RNF216: variants seen among roughly 807,000 people sequenced by gnomAD.
The protein encoded by RNF216 is E3 ubiquitin-protein ligase RNF216.
RNF216 carries 72 observed loss-of-function variants against 110.8 expected under a neutral mutation model. The observed-to-expected ratio is 0.65, with a 90% confidence interval of 0.54 to 0.79. The LOEUF is 0.79. Ranked by LOEUF, RNF216 falls within the 30% of genes least tolerant of loss-of-function variation. RNF216 has a pLI of 0.00. For synonymous variants in RNF216, 495 were observed against 407.5 expected, an observed-to-expected ratio of 1.21 and a Z score of -2.59; for missense variants, 1,342 against 1,141.2, an observed-to-expected ratio of 1.18 and a Z score of -2.54.
intron 14 of RNF216, chr7:5,649,702 G>A (rs534312029): frequency 1.3e-5 from 2 of 152,030 alleles, no homozygotes; most frequent in East Asian, 1.9e-4. Context: ...ATGCAGAGGC[G>A]ATGATTCTTT....
intron 13 of RNF216, chr7:5,662,370 A>G (rs1789203269): frequency 1.3e-5 from 2 of 152,162 alleles, no homozygotes; most frequent in Non-Finnish European, 2.9e-5. Context: ...AGGCTCCATG[A>G]AAGTGTTCCA....
intron 13 of RNF216, among the ~76,000 whole-genome samples, chr7:5,675,714 C>CTT (rs754444984): frequency 3.5e-5 from 5 of 141,222 alleles, no homozygotes; most frequent in African/African-American, 1.3e-4. Context: ...TATTCAAATT[C>CTT]TTTTTTTTTT....
chr7:5,749,556 TTTCC>T (rs1395206764), intron 3 of RNF216, among the ~76,000 whole-genome samples: 2 of 152,214 alleles, frequency 1.3e-5, no homozygotes, highest in Non-Finnish European at 2.9e-5. Flanking sequence ...AATAACTAAA[TTTCC>T]TTGTCAACTG....
At chr7:5,781,460 C>CA (rs1205738094) in intron 1 of RNF216, 81 bp downstream of exon 1, 1 of 151,440 alleles carries the variant, frequency 6.6e-6, no homozygotes, top group Non-Finnish European at 1.5e-5. Flanking sequence ...CCCGGAGCTC[C>CA]ACAGAGGCGC....
chr7:5,750,058 A>C (rs1795250308), intron 3 of RNF216, among the ~76,000 whole-genome samples: 1 of 152,206 alleles, frequency 6.6e-6, no homozygotes, highest in Non-Finnish European at 1.5e-5. Flanking sequence ...TTTGCAAACT[A>C]TTCATGAGTA....
intron 13 of RNF216, among the ~76,000 whole-genome samples, chr7:5,661,025 T>C (rs1287630816): frequency 8.0e-6 from 1 of 125,122 alleles, no homozygotes; most frequent in Admixed American, 1.0e-4. Flanking sequence ...CACTGCAACC[T>C]CCGCCTCCAG....
chr7:5,781,283 A>T (rs1797075880), intron 1 of RNF216, among the ~76,000 whole-genome samples: 1 of 152,042 alleles, frequency 6.6e-6, no homozygotes, highest in South Asian at 2.1e-4. Context: ...AAACTTCGCG[A>T]AGTGGCGAGA....
At chr7:5,773,845 G>T (rs541942640) in intron 1 of RNF216, among the ~76,000 whole-genome samples, 4 of 152,280 alleles carry the variant, frequency 2.6e-5, no homozygotes, top group African/African-American at 9.6e-5. Flanking sequence ...GGGATAACAG[G>T]CGAGTCACCG....
chr7:5,688,441 T>C (rs1200083282), intron 13 of RNF216, among the ~76,000 whole-genome samples: 3 of 152,226 alleles, frequency 2.0e-5, no homozygotes, highest in African/African-American at 7.2e-5. Flanking sequence ...GTATCTCTGT[T>C]GACACTAGTG....
intron 13 of RNF216, among the ~76,000 whole-genome samples, chr7:5,679,897 C>T (rs542978987): frequency 2.6e-3 from 391 of 152,274 alleles, no homozygotes; most frequent in African/African-American, 8.3e-3. Flanking sequence ...GGCAGGTGAG[C>T]CAGGCGGCTC....
rs142051743 is a variant in RNF216, at chr7:5,624,617, C to T, written c.2383-492G>A. ...GCCCTGCTTAGCCCCCAAGGCTGGC[C>T]TTGGCTCCTGGGCCAGGCCTCGGGG... On this transcript the variant is annotated intron_variant, in intron 15 of 16. Coordinates refer to ENST00000389902, the MANE Select transcript of RNF216 (RefSeq NM_207111.4). This position sits in a 1 kb window ranked among gnomAD's most constrained non-coding sequence, Gnocchi z 4.4. Among the ~76,000 whole-genome samples the T allele has an allele frequency of 7.1e-4, 108 of 152,346 alleles. No individual in the cohort carries two copies. The highest frequency in any genetic ancestry group is 1.3e-3 in the Non-Finnish European group (90 of 68,034).
At chr7:5,705,716 C>T (rs1267692815) in intron 13 of RNF216, among the ~76,000 whole-genome samples, 1 of 152,048 alleles carries the variant, frequency 6.6e-6, no homozygotes, top group East Asian at 1.9e-4. Context: ...CGAGACCAGA[C>T]GGACCAACAT....
At chr7:5,677,442 G>T (rs994781256) in intron 13 of RNF216, among the ~76,000 whole-genome samples, 1 of 151,644 alleles carries the variant, frequency 6.6e-6, no homozygotes, top group Non-Finnish European at 1.5e-5. Flanking sequence ...TCTATAAAAG[G>T]AAAACAAAAA....
intron 7 of RNF216, among the ~76,000 whole-genome samples, chr7:5,726,700 A>G (rs1348795791): frequency 2.0e-5 from 3 of 152,084 alleles, no homozygotes; most frequent in Non-Finnish European, 4.4e-5. Context: ...TCTAGTAAAA[A>G]TACAAAAAAT....
intron 13 of RNF216, among the ~76,000 whole-genome samples, chr7:5,697,631 C>T (rs1791710885): frequency 2.0e-5 from 3 of 152,234 alleles, no homozygotes; most frequent in South Asian, 2.1e-4. Context: ...TACAAGTGCG[C>T]ACCACCACTC....
chr7:5,707,165 G>C (rs990572033), intron 13 of RNF216, among the ~76,000 whole-genome samples: 1 of 152,164 alleles, frequency 6.6e-6, no homozygotes, highest in Non-Finnish European at 1.5e-5. Context: ...CTGTAGCTTT[G>C]TAATAAGTTT....
At chr7:5,664,876 A>G (rs1484674765) in intron 13 of RNF216, among the ~76,000 whole-genome samples, 1 of 151,974 alleles carries the variant, frequency 6.6e-6, no homozygotes, top group African/African-American at 2.4e-5. Flanking sequence ...GCTCACCGCA[A>G]CCTCCACCTC....
At chr7:5,765,341 G>A (rs1796146094) in intron 1 of RNF216, among the ~76,000 whole-genome samples, 1 of 151,914 alleles carries the variant, frequency 6.6e-6, no homozygotes, top group African/African-American at 2.4e-5. Context: ...GTGGGAATCT[G>A]TAATCCCAGC....
intron 15 of RNF216, among the ~76,000 whole-genome samples, chr7:5,633,176 A>C (rs956426209): frequency 1.3e-5 from 2 of 151,568 alleles, no homozygotes; most frequent in African/African-American, 4.8e-5. Flanking sequence ...ACGGGGTTTC[A>C]CCATATTGGC....
Sources: gnomAD v4.1 joint callset for allele counts (sites outside exome capture counted in the v4.1 genomes callset) on GRCh38, gnomAD v4.1.1 for gene constraint, Gnocchi (gnomAD v3.1) non-coding constraint, MANE v1.5 for transcripts, NCBI Gene and HGNC (gene_info 2026-07-23, HGNC 2026-07-21) for gene names.